DSCAML1: variants seen among roughly 807,000 people sequenced by gnomAD.
DSCAML1 encodes cell adhesion molecule DSCAML1.
Under a neutral mutation model 200.5 loss-of-function variants are expected in DSCAML1, and 38 were observed. That is an observed-to-expected ratio of 0.19 (90% CI 0.15 to 0.25). The LOEUF is 0.25. Among genes scored for constraint, DSCAML1 ranks in the 10% least tolerant of loss-of-function variants. The probability of loss-of-function intolerance (pLI) is 1.00; values close to 1 mark genes in which losing one functional copy is unlikely to be tolerated. For synonymous variants in DSCAML1, 1,215 were observed against 1,165.0 expected (o/e 1.04, Z -0.87); for missense variants, 2,223 against 2,858.8 (o/e 0.78, Z 5.07).
intron 11 of DSCAML1, among the ~76,000 whole-genome samples, chr11:117,500,079 C>T (rs546867879): frequency 6.6e-6 from 1 of 152,362 alleles, no homozygotes; most frequent in African/African-American, 2.4e-5. Context: ...CAGTCACAGG[C>T]CTTCCTGTCT....
chr11:117,721,462 T>G (rs147260644), intron 3 of DSCAML1, among the ~76,000 whole-genome samples: 346 of 152,282 alleles, frequency 2.3e-3, no homozygotes, highest in African/African-American at 7.8e-3. Context: ...ACATATTAGT[T>G]AGTTATTACA....
intron 3 of DSCAML1, among the ~76,000 whole-genome samples, chr11:117,627,480 C>T (rs1004173836): frequency 2.0e-5 from 3 of 152,100 alleles, no homozygotes; most frequent in Non-Finnish European, 2.9e-5. Context: ...GGTGCCCAGT[C>T]GCACTGCTCG....
chr11:117,653,828 T>C (rs10892150), intron 3 of DSCAML1, among the ~76,000 whole-genome samples: 40,398 of 152,022 alleles, frequency 0.27, 6,249 homozygotes, highest in Middle Eastern at 0.33. Context: ...CTGGTGAATG[T>C]GGTGCAGCTG....
intron 3 of DSCAML1, among the ~76,000 whole-genome samples, chr11:117,703,221 C>T (rs1163912032): frequency 5.9e-5 from 9 of 152,202 alleles, no homozygotes; most frequent in Non-Finnish European, 1.2e-4. Context: ...GAGCTCCAGT[C>T]TCCAAATCTC....
At chr11:117,494,968 C>T (rs2049262818) in intron 11 of DSCAML1, among the ~76,000 whole-genome samples, 1 of 152,148 alleles carries the variant, frequency 6.6e-6, no homozygotes, top group Admixed American at 6.5e-5. Flanking sequence ...CCCAGCCTCC[C>T]AGAACTGTGA....
intron 3 of DSCAML1, among the ~76,000 whole-genome samples, chr11:117,688,416 G>C (rs566232968): frequency 5.3e-4 from 81 of 152,222 alleles, no homozygotes; most frequent in Non-Finnish European, 1.0e-3. Context: ...AGCAGGACAA[G>C]AGTTGGGAAG....
intron 3 of DSCAML1, among the ~76,000 whole-genome samples, chr11:117,631,336 C>T (rs578116495): frequency 1.9e-4 from 29 of 152,308 alleles, no homozygotes; most frequent in African/African-American, 4.8e-4. Context: ...CTGTTGGACC[C>T]GGGCAGAGGG....
At chr11:117,689,364 C>T (rs1412386523) in intron 3 of DSCAML1, among the ~76,000 whole-genome samples, 2 of 152,200 alleles carry the variant, frequency 1.3e-5, no homozygotes, top group African/African-American at 4.8e-5. Context: ...TGCAAAATTT[C>T]AGGCCCTGCC....
intron 3 of DSCAML1, among the ~76,000 whole-genome samples, chr11:117,537,968 C>T (rs903893777): frequency 6.6e-6 from 1 of 152,202 alleles, no homozygotes; most frequent in African/African-American, 2.4e-5. Context: ...GGGCAGCTCA[C>T]CCAGGGTGCC....
intron 3 of DSCAML1, among the ~76,000 whole-genome samples, chr11:117,629,265 T>C (rs1020167970): frequency 6.6e-6 from 1 of 152,062 alleles, no homozygotes; most frequent in African/African-American, 2.4e-5. Context: ...GGGAGGTACA[T>C]GTGGGGTGTG....
chr11:117,741,542 G>A (rs2054423325), intron 3 of DSCAML1, among the ~76,000 whole-genome samples: 2 of 152,260 alleles, frequency 1.3e-5, no homozygotes, highest in Non-Finnish European at 2.9e-5. Flanking sequence ...CATCACCAAA[G>A]TGGGAATGCA....
chr11:117,502,344 G>A (rs2049411441), intron 11 of DSCAML1, among the ~76,000 whole-genome samples: 1 of 152,352 alleles, frequency 6.6e-6, no homozygotes, highest in Non-Finnish European at 1.5e-5. Flanking sequence ...CAACAACAGC[G>A]AAAAAGCATC....
chr11:117,646,136 G>C (rs1293911544), intron 3 of DSCAML1, among the ~76,000 whole-genome samples: 1 of 147,234 alleles, frequency 6.8e-6, no homozygotes, highest in East Asian at 2.0e-4. Context: ...GACCTTGGAA[G>C]ACTCCATTTA....
At chr11:117,628,164 T>A (rs1833638192) in intron 3 of DSCAML1, among the ~76,000 whole-genome samples, 1 of 152,172 alleles carries the variant, frequency 6.6e-6, no homozygotes, top group Non-Finnish European at 1.5e-5. Flanking sequence ...TACTGCTGGG[T>A]CGATGTGAAG....
chr11:117,713,485 C>T (rs1591431657), intron 3 of DSCAML1, among the ~76,000 whole-genome samples: 1 of 152,236 alleles, frequency 6.6e-6, no homozygotes, highest in South Asian at 2.1e-4. Flanking sequence ...TTGGCCTTTT[C>T]CCTACCCTCT....
chr11:117,438,476 G>C (rs1008708023), intron 24 of DSCAML1, among the ~76,000 whole-genome samples: 17 of 152,204 alleles, frequency 1.1e-4, no homozygotes, highest in Admixed American at 7.8e-4. Context: ...GAAGCACCTG[G>C]GGCGTGTTAG....
chr11:117,429,822 AATCCTCACGACAGC>A (rs1438960945), intron 32 of DSCAML1, among the ~76,000 whole-genome samples: 1 of 152,164 alleles, frequency 6.6e-6, no homozygotes, highest in African/African-American at 2.4e-5. Context: ...TTTCTTATTG[AATCCTCACGACAGC>A]CCCTAGGATT....
chr11:117,735,655 C>T (rs2054303934), intron 3 of DSCAML1, among the ~76,000 whole-genome samples: 1 of 152,180 alleles, frequency 6.6e-6, no homozygotes, highest in Admixed American at 6.5e-5. Flanking sequence ...CTGCGAGGAC[C>T]TCACATCTGT....
At chr11:117,434,180 TGATC>T (rs956120934) in intron 27 of DSCAML1, among the ~76,000 whole-genome samples, 14 of 152,116 alleles carry the variant, frequency 9.2e-5, no homozygotes, top group African/African-American at 3.1e-4. Flanking sequence ...ACCCATCCAT[TGATC>T]CATCCATCCA....
Sources: gnomAD v4.1 joint callset for allele counts (sites outside exome capture counted in the v4.1 genomes callset) on GRCh38, gnomAD v4.1.1 for gene constraint, MANE v1.5 for transcripts, NCBI Gene and HGNC (gene_info 2026-07-23, HGNC 2026-07-21) for gene names.